RBM33: variants seen among roughly 807,000 people sequenced by gnomAD.
The protein encoded by RBM33 is RNA binding motif protein 33, also known as RNA-binding protein 33.
RBM33 carries 28 observed loss-of-function variants against 132.6 expected under a neutral mutation model. The observed-to-expected ratio is 0.21, with a 90% confidence interval of 0.16 to 0.29. The LOEUF is 0.29. Among genes scored for constraint, RBM33 ranks in the 10% least tolerant of loss-of-function variants. The pLI is 1.00. For missense variants in RBM33, 1,291 were observed against 1,518.5 expected, an observed-to-expected ratio of 0.85 and a Z score of 2.49; for synonymous variants, 634 against 593.0, an observed-to-expected ratio of 1.07 and a Z score of -1.01.
intron 5 of RBM33, among the ~76,000 whole-genome samples, chr7:155,688,641 G>GAT (rs1190398034): frequency 2.6e-5 from 4 of 152,130 alleles, no homozygotes; most frequent in Admixed American, 2.6e-4. Flanking sequence ...ATTATTTTGA[G>GAT]ATACGTCCCA....
At chr7:155,767,018 G>A in intron 16 of RBM33, 1 of 236,650 alleles carries the variant, frequency 4.2e-6, no homozygotes, top group South Asian at 6.0e-5. Flanking sequence ...AAAGTATTTA[G>A]CCTTCTTTTC....
chr7:155,707,961 A>G (rs73167137), intron 7 of RBM33, among the ~76,000 whole-genome samples: 9,861 of 152,198 alleles, frequency 0.065, 486 homozygotes, highest in African/African-American at 0.14. Flanking sequence ...GGCCCAACCT[A>G]TTCTTTCATT....
chr7:155,710,401 T>C (rs1800247227), intron 7 of RBM33, among the ~76,000 whole-genome samples: 1 of 152,226 alleles, frequency 6.6e-6, no homozygotes, highest in African/African-American at 2.4e-5. Context: ...CTACTGACCG[T>C]ATAGTAGGAA....
At chr7:155,714,744 C>T (rs562819327) in intron 8 of RBM33, among the ~76,000 whole-genome samples, 2 of 152,044 alleles carry the variant, frequency 1.3e-5, no homozygotes, top group Non-Finnish European at 2.9e-5. Context: ...TTTGGGATTC[C>T]TAAGGGTGTG....
chr7:155,766,271 A>C (rs1385788930), intron 15 of RBM33, among the ~76,000 whole-genome samples, 196 bp from the exon 16 acceptor site: 1 of 152,112 alleles, frequency 6.6e-6, no homozygotes, highest in Non-Finnish European at 1.5e-5. Flanking sequence ...CTCCGCCTAC[A>C]CTTAAACTTG....
intron 1 of RBM33, among the ~76,000 whole-genome samples, chr7:155,651,706 G>T (rs1231761910): frequency 1.3e-5 from 2 of 152,102 alleles, no homozygotes; most frequent in South Asian, 2.1e-4. Context: ...CCTCTTCTCG[G>T]CTACCCAAGT....
At chr7:155,726,105 A>G (rs534558249) in intron 9 of RBM33, among the ~76,000 whole-genome samples, 4 of 152,340 alleles carry the variant, frequency 2.6e-5, no homozygotes, top group South Asian at 2.1e-4. Context: ...TTAAGTGTCA[A>G]TTGGTTTCTT....
At chr7:155,704,713 C>T (rs997903306) in intron 6 of RBM33, among the ~76,000 whole-genome samples, 7 of 152,024 alleles carry the variant, frequency 4.6e-5, no homozygotes, top group Non-Finnish European at 8.8e-5. Flanking sequence ...TATTTTATTC[C>T]GAGTTTCATT....
At chr7:155,660,657 T>TCAAGGTTTTTTCTGTGTCTTTGG (rs1798615173) in intron 1 of RBM33, among the ~76,000 whole-genome samples, 1 of 152,234 alleles carries the variant, frequency 6.6e-6, no homozygotes, top group South Asian at 2.1e-4. Flanking sequence ...CTTGGTGCTT[T>TCAAGGTTTTTTCTGTGTCTTTGG]CAAGGTTTTT....
chr7:155,759,669 T>C (rs1327557558), intron 14 of RBM33, among the ~76,000 whole-genome samples: 8 of 152,192 alleles, frequency 5.3e-5, no homozygotes, highest in Non-Finnish European at 2.9e-5. Context: ...TCCACCCGCC[T>C]CGGCCTCCCA....
rs73737845 is a variant in RBM33, at chr7:155,766,929, G to T, written c.3375+274G>T. The T allele has an allele frequency of 5.5e-3, 2,513 of 458,322 alleles. 57 individuals carry two copies. The highest frequency in any genetic ancestry group is 0.046 in the African/African-American group (2,270 of 49,270). The allele number at this position is 458,322 out of a possible 1,614,324, so 28.4% of individuals were successfully genotyped here. A position where few individuals can be genotyped will look rare whatever the true frequency, so the allele number is the denominator to read the frequency against. ...TGAGATCCTTTTAATTGTCATAGAAGGTTCACACTTGCACACATACATACA... is the reference window on the plus strand; with the variant it reads ...TGAGATCCTTTTAATTGTCATAGAATGTTCACACTTGCACACATACATACA... On this transcript the variant is annotated intron_variant, in intron 16 of 17. Transcript: ENST00000401878.
intron 5 of RBM33, 30 bp from the exon 6 acceptor site, chr7:155,700,743 C>T (rs781468414): frequency 3.4e-6 from 5 of 1,486,388 alleles, no homozygotes; most frequent in East Asian, 4.9e-5. Flanking sequence ...ACTTACTGTC[C>T]TTTTTTTGCC....
intron 7 of RBM33, among the ~76,000 whole-genome samples, chr7:155,709,941 T>G (rs915345820): frequency 1.3e-5 from 2 of 152,226 alleles, no homozygotes; most frequent in African/African-American, 4.8e-5. Context: ...AGATGTCTTC[T>G]TGCTCTTTGT....
intron 9 of RBM33, among the ~76,000 whole-genome samples, chr7:155,729,527 A>T (rs1204471345): frequency 6.6e-6 from 1 of 152,166 alleles, no homozygotes; most frequent in Non-Finnish European, 1.5e-5. Context: ...CCTTGAGGCC[A>T]GGAGTTTCAG....
chr7:155,673,947 T>TTGTTTTTG (rs1563138363), intron 3 of RBM33, among the ~76,000 whole-genome samples: 4 of 97,786 alleles, frequency 4.1e-5, no homozygotes, highest in Non-Finnish European at 8.5e-5. Context: ...TTAGTTTTTT[T>TTGTTTTTG]TTTTTTTTTT....
At chr7:155,731,347 A>T (rs1181580196) in intron 9 of RBM33, among the ~76,000 whole-genome samples, 1 of 152,226 alleles carries the variant, frequency 6.6e-6, no homozygotes, top group Non-Finnish European at 1.5e-5. Context: ...TTTTTCCTGT[A>T]CATATATACC....
chr7:155,669,223 G>C (rs900013705), intron 2 of RBM33, among the ~76,000 whole-genome samples: 14 of 152,150 alleles, frequency 9.2e-5, no homozygotes, highest in Admixed American at 5.9e-4. Flanking sequence ...CTGCCATGCT[G>C]TACTGGTAGT....
chr7:155,703,684 C>G (rs1800031211), intron 6 of RBM33, among the ~76,000 whole-genome samples: 1 of 152,070 alleles, frequency 6.6e-6, no homozygotes, highest in Admixed American at 6.5e-5. Flanking sequence ...CAGTACCTCC[C>G]CCCAAACAAA....
rs1477956603 is a variant in RBM33 at position 155,739,929 on chromosome 7, C to T, written c.1952C>T (p.Pro651Leu). The change falls in exon 12 of 18, where the codon CCG becomes CTG. Residue 651 changes from proline to leucine, a missense_variant. Pro to Leu is a moderately conservative substitution (Grantham distance 98). This residue lies in a region of RBM33 where 841 missense variants were observed against 912.0 expected (regional missense o/e 0.92). Coordinates refer to ENST00000401878, the MANE Select transcript of RBM33 (RefSeq NM_053043.3). The stretch of plus-strand genomic sequence containing the variant: ...TCCGTCCCGCCCCCTCCTTTGATGC[C>T]GATGTCTCAGCCACAGTTCCGGCCT... ...HLSVPPPPLM[P>L]MSQPQFRPHV... is the part of the protein sequence containing the mutation. 9 of 1,552,142 alleles carry T rather than the reference C, an allele frequency of 5.8e-6. No homozygotes were observed. The highest frequency in any genetic ancestry group is 2.6e-6 in the Non-Finnish European group (3 of 1,147,586).
Sources: gnomAD v4.1 joint callset for allele counts (sites outside exome capture counted in the v4.1 genomes callset) on GRCh38, gnomAD v4.1.1 for gene constraint, gnomAD v4.1.1 regional missense constraint, MANE v1.5 for transcripts, NCBI Gene and HGNC (gene_info 2026-07-23, HGNC 2026-07-21) for gene names.